LAMB3: variants seen among roughly 807,000 people sequenced by gnomAD.
The protein encoded by LAMB3 is laminin subunit beta-3.
A neutral mutation model predicts 140.3 loss-of-function variants in LAMB3; 104 were observed. The observed-to-expected ratio is 0.74, with a 90% CI of 0.63 to 0.87. LAMB3 has a LOEUF of 0.87. Among genes scored for constraint, LAMB3 ranks in the 40% least tolerant of loss-of-function variants. The pLI is 0.00. For missense variants in LAMB3, 1,531 were observed against 1,575.2 expected, an observed-to-expected ratio of 0.97 and a Z score of 0.47; for synonymous variants, 592 against 602.9, an observed-to-expected ratio of 0.98 and a Z score of 0.26.
At chr1:209,649,032 A>G (rs1050356271) in intron 3 of LAMB3, among the ~76,000 whole-genome samples, 1 of 152,126 alleles carries the variant, frequency 6.6e-6, no homozygotes, top group Non-Finnish European at 1.5e-5. Flanking sequence ...AACCACAGCC[A>G]TCTCTGCTCA....
At chr1:209,629,701 C>T in intron 10 of LAMB3, 36 bp downstream of exon 10, 1 of 1,601,394 alleles carries the variant, frequency 6.2e-7, no homozygotes, top group Non-Finnish European at 8.6e-7. Flanking sequence ...GAGTAACAGA[C>T]AAATGACACT....
At chr1:209,649,834 G>T in intron 3 of LAMB3, 130 bp downstream of exon 3, 1 of 1,022,030 alleles carries the variant, frequency 9.8e-7, no homozygotes. Context: ...TACTTTTACT[G>T]CACTCCCCAG....
intron 3 of LAMB3, among the ~76,000 whole-genome samples, chr1:209,641,878 G>C (rs1177596702): frequency 6.6e-6 from 1 of 152,248 alleles, no homozygotes; most frequent in South Asian, 2.1e-4. Context: ...AGCCTCTCAG[G>C]AACAAACTTT....
chr1:209,627,637 A>G, intron 11 of LAMB3, 58 bp from the exon 12 acceptor site: 1 of 1,520,364 alleles, frequency 6.6e-7, no homozygotes, highest in East Asian at 2.3e-5. Context: ...TCACCCCCAG[A>G]GGACACACAT....
At chr1:209,646,666 G>A (rs1558168364) in intron 3 of LAMB3, among the ~76,000 whole-genome samples, 1 of 152,224 alleles carries the variant, frequency 6.6e-6, no homozygotes. Context: ...GATCAGGGAA[G>A]AAATGCTCAG....
intron 3 of LAMB3, 61 bp from the exon 4 acceptor site, chr1:209,638,709 G>T: frequency 9.5e-7 from 1 of 1,049,996 alleles, no homozygotes; most frequent in African/African-American, 1.6e-5. Flanking sequence ...TCCCCCTTGC[G>T]TCCTGAGATC....
Position 209,626,129 on chromosome 1 carries a change from A to G in LAMB3, c.1598-103T>C, listed in dbSNP as rs1398001011. 1.1e-5 allele frequency: 14 copies of G among 1,244,310 alleles called. 1 individual carries two copies. Among genetic ancestry groups the G allele is most frequent in the East Asian group, 7.3e-5 (3 of 41,364 alleles). The allele number at this position is 1,244,310 out of a possible 1,614,324, so 77.1% of individuals were successfully genotyped here. On this transcript the variant is annotated intron_variant, in intron 13 of 22. Coordinates refer to ENST00000356082, the MANE Select transcript of LAMB3 (RefSeq NM_000228.3). ...AGGTCTGACCTGAGGCTCTTTCTAC[A>G]TGACTTAGAATAACAGAAGTCGCAG...
Position 209,622,888 on chromosome 1 carries a change from G to T in LAMB3, c.2556+94C>A. ...TTAAGCAGGTCACCTAAAATCTCTG[G>T]ACTTTAGTGTAAAATGGGAACTCTG... On this transcript the variant is annotated intron_variant, in intron 17 of 22. Coordinates refer to ENST00000356082, the MANE Select transcript of LAMB3 (RefSeq NM_000228.3). 5.4e-6 allele frequency: 8 copies of T among 1,477,236 alleles called. 1 individual carries two copies. Among genetic ancestry groups the T allele is most frequent in the Non-Finnish European group, 7.5e-6 (8 of 1,060,768 alleles). The allele number at this position is 1,477,236 out of a possible 1,614,324, so 91.5% of individuals were successfully genotyped here. A position where few individuals can be genotyped will look rare whatever the true frequency, so the allele number is the denominator to read the frequency against.
chr1:209,630,806 C>A (rs1253856501), intron 8 of LAMB3, 71 bp from the exon 9 acceptor site: 6 of 1,530,052 alleles, frequency 3.9e-6, no homozygotes, highest in Non-Finnish European at 5.4e-6. Flanking sequence ...CTGCCCACTG[C>A]CCTCTGACCC....
chr1:209,643,291 T>C (rs1460067562), intron 3 of LAMB3, among the ~76,000 whole-genome samples: 2 of 151,478 alleles, frequency 1.3e-5, no homozygotes, highest in African/African-American at 2.4e-5. Flanking sequence ...AGTGTGAGAA[T>C]CTCTCATATG....
At chr1:209,641,905 G>T (rs545029747) in intron 3 of LAMB3, among the ~76,000 whole-genome samples, 1 of 152,208 alleles carries the variant, frequency 6.6e-6, no homozygotes, top group African/African-American at 2.4e-5. Context: ...CCCGTCCTCT[G>T]TCTGCACTCA....
At chr1:209,625,555 G>T in intron 14 of LAMB3, 93 bp downstream of exon 14, 2 of 1,450,404 alleles carry the variant, frequency 1.4e-6, no homozygotes, top group Non-Finnish European at 1.9e-6. Flanking sequence ...AAACTGTAAT[G>T]CACTGTACAA....
At chr1:209,625,350 C>CTGGGCACTTAAA in intron 14 of LAMB3, among the ~76,000 whole-genome samples, 1 of 152,320 alleles carries the variant, frequency 6.6e-6, no homozygotes, top group South Asian at 2.1e-4. Flanking sequence ...CTCTCTCCCA[C>CTGGGCACTTAAA]AGGCAGCACT....
At chr1:209,618,387 G>T in intron 19 of LAMB3, 65 bp downstream of exon 19, 1 of 1,512,134 alleles carries the variant, frequency 6.6e-7, no homozygotes, top group South Asian at 1.1e-5. Context: ...TCCCAGCAAC[G>T]GGGTTGAGGA....
chr1:209,644,404 T>C (rs1026066164), intron 3 of LAMB3, among the ~76,000 whole-genome samples: 5 of 152,188 alleles, frequency 3.3e-5, no homozygotes, highest in African/African-American at 9.7e-5. Context: ...TCCTCAGCAG[T>C]GTACATATAT....
chr1:209,629,676 C>T, intron 10 of LAMB3, 61 bp downstream of exon 10: 1 of 1,518,142 alleles, frequency 6.6e-7, no homozygotes, highest in South Asian at 1.1e-5. Context: ...CTCTATTGTA[C>T]CCAGAGGAGA....
intron 14 of LAMB3, 34 bp from the exon 15 acceptor site, chr1:209,624,034 G>A: frequency 1.9e-6 from 3 of 1,600,256 alleles, no homozygotes; most frequent in Non-Finnish European, 2.6e-6. Flanking sequence ...CTAAAATATA[G>A]GAGGGAGTTT....
intron 14 of LAMB3, 88 bp from the exon 15 acceptor site, chr1:209,624,088 G>A (rs535666046): frequency 1.7e-6 from 2 of 1,199,488 alleles, no homozygotes; most frequent in Admixed American, 3.9e-5. Flanking sequence ...CTGCTACTGA[G>A]TCAGAACAAA....
At chr1:209,622,457 T>A in intron 18 of LAMB3, 79 bp downstream of exon 18, 1 of 1,548,456 alleles carries the variant, frequency 6.5e-7, no homozygotes, top group Non-Finnish European at 8.9e-7. Flanking sequence ...GAGGGAGGGC[T>A]GGCTGATGCA....
Sources: gnomAD v4.1 joint callset for allele counts (sites outside exome capture counted in the v4.1 genomes callset) on GRCh38, gnomAD v4.1.1 for gene constraint, MANE v1.5 for transcripts, NCBI Gene and HGNC (gene_info 2026-07-23, HGNC 2026-07-21) for gene names.